MAP4K3: variants seen among roughly 807,000 people sequenced by gnomAD.
MAP4K3 encodes mitogen-activated protein kinase kinase kinase kinase 3, also known as MAPK/ERK kinase kinase kinase 3.
Under a neutral mutation model 143.5 loss-of-function variants are expected in MAP4K3, and 94 were observed. The observed-to-expected ratio is 0.65, with a 90% CI of 0.55 to 0.78. The LOEUF is 0.78. Ranked by LOEUF, MAP4K3 falls within the 30% of genes least tolerant of loss-of-function variation. The probability of loss-of-function intolerance (pLI) is 0.00; values close to 1 mark genes in which losing one functional copy is unlikely to be tolerated. For missense variants in MAP4K3, 1,077 were observed against 1,068.1 expected (o/e 1.01, Z -0.12); for synonymous variants, 416 against 347.2 (o/e 1.20, Z -2.20).
chr2:39,251,491 G>A (rs1025828610), intron 33 of MAP4K3, among the ~76,000 whole-genome samples: 2 of 152,090 alleles, frequency 1.3e-5, no homozygotes, highest in Non-Finnish European at 2.9e-5. Context: ...CCTGACCAAT[G>A]TCTTACAGTC....
At chr2:39,270,465 T>C (rs898114790) in intron 26 of MAP4K3, among the ~76,000 whole-genome samples, 4 of 152,216 alleles carry the variant, frequency 2.6e-5, no homozygotes, top group Non-Finnish European at 4.4e-5. Context: ...TCATGCCCAA[T>C]AATGATGACA....
At chr2:39,432,837 C>T (rs979698399) in intron 1 of MAP4K3, among the ~76,000 whole-genome samples, 49 of 152,204 alleles carry the variant, frequency 3.2e-4, no homozygotes, top group African/African-American at 1.1e-3. Flanking sequence ...ACACAGACTA[C>T]GATGTGAATC....
chr2:39,396,145 T>G (rs1022000144), intron 1 of MAP4K3, among the ~76,000 whole-genome samples: 1 of 152,120 alleles, frequency 6.6e-6, no homozygotes, highest in Non-Finnish European at 1.5e-5. Flanking sequence ...TCAAACAATC[T>G]TCCTGCCTCG....
At chr2:39,322,694 G>A (rs941748816) in intron 12 of MAP4K3, among the ~76,000 whole-genome samples, 1 of 149,212 alleles carries the variant, frequency 6.7e-6, no homozygotes, top group African/African-American at 2.5e-5. Context: ...TTTTGAGATG[G>A]AGTCTCGCTC....
At chr2:39,335,564 T>G (rs1482317733) in intron 6 of MAP4K3, among the ~76,000 whole-genome samples, 1 of 152,196 alleles carries the variant, frequency 6.6e-6, no homozygotes, top group Admixed American at 6.5e-5. Flanking sequence ...TAAAATGGCC[T>G]CACACTTTCT....
chr2:39,382,716 G>A (rs965151204), intron 1 of MAP4K3, among the ~76,000 whole-genome samples: 1 of 152,122 alleles, frequency 6.6e-6, no homozygotes, highest in Admixed American at 6.5e-5. Flanking sequence ...TAGGTCAAGC[G>A]ATTAAGAATG....
intron 16 of MAP4K3, 105 bp downstream of exon 16, chr2:39,299,638 T>A (rs376606884): frequency 3.9e-6 from 2 of 511,792 alleles, no homozygotes; most frequent in Admixed American, 7.9e-5. Context: ...GTAAAATATA[T>A]CTACCAGCCT....
At chr2:39,359,546 A>T (rs1358679434) in intron 2 of MAP4K3, among the ~76,000 whole-genome samples, 1 of 152,264 alleles carries the variant, frequency 6.6e-6, no homozygotes, top group Non-Finnish European at 1.5e-5. Flanking sequence ...GCAGTGCTGC[A>T]GTGGGAACTC....
chr2:39,328,514 C>T (rs1193448562), intron 8 of MAP4K3, among the ~76,000 whole-genome samples: 1 of 151,956 alleles, frequency 6.6e-6, no homozygotes, highest in East Asian at 1.9e-4. Context: ...AAGAAAAAGG[C>T]ACAAATATAG....
At chr2:39,318,935 C>T (rs1355783659) in intron 12 of MAP4K3, among the ~76,000 whole-genome samples, 3 of 151,976 alleles carry the variant, frequency 2.0e-5, no homozygotes, top group Non-Finnish European at 4.4e-5. Context: ...GGTTTTTGAC[C>T]GGGGCAATTT....
chr2:39,288,564 G>C (rs1681895742), intron 19 of MAP4K3, among the ~76,000 whole-genome samples: 1 of 152,056 alleles, frequency 6.6e-6, no homozygotes, highest in Non-Finnish European at 1.5e-5. Context: ...TCCCCACTTA[G>C]ACTAGCCAAA....
intron 2 of MAP4K3, among the ~76,000 whole-genome samples, chr2:39,369,678 T>C: frequency 6.6e-6 from 1 of 152,206 alleles, no homozygotes; most frequent in East Asian, 1.9e-4. Flanking sequence ...ATCTGAAGTT[T>C]TACTTCCTTA....
At chr2:39,275,751 A>G (rs944961060) in intron 24 of MAP4K3, among the ~76,000 whole-genome samples, 4 of 152,220 alleles carry the variant, frequency 2.6e-5, no homozygotes, top group Non-Finnish European at 5.9e-5. Flanking sequence ...TTTACAGTAT[A>G]TCATACAGTT....
intron 3 of MAP4K3, among the ~76,000 whole-genome samples, chr2:39,350,105 T>TA (rs1297308080): frequency 2.0e-5 from 3 of 152,192 alleles, no homozygotes; most frequent in Non-Finnish European, 2.9e-5. Context: ...ACAACTATCT[T>TA]ACAATGCGCA....
chr2:39,312,511 G>A (rs1479308586), intron 13 of MAP4K3, among the ~76,000 whole-genome samples: 1 of 152,186 alleles, frequency 6.6e-6, no homozygotes, highest in Non-Finnish European at 1.5e-5. Flanking sequence ...TATTGTGAAT[G>A]TTAATACCAA....
At position 39,289,050 on chromosome 2, in the gene MAP4K3, T is replaced by TCAAAA. The variant is rs554786069; in HGVS notation, c.1315-775_1315-771dup. On this transcript the variant is annotated intron_variant, in intron 19 of 33. Transcript: ENST00000263881. Reference sequence around the variant, plus strand: ...CTGGGCGAAAGAGCGAGACTCCATCTCAAAACAAAACAAAACAAAAAAACA... The same window carrying TCAAAA: ...CTGGGCGAAAGAGCGAGACTCCATCTCAAAACAAAACAAAACAAAACAAAAAAACA... Among the ~76,000 whole-genome samples the TCAAAA allele has an allele frequency of 3.7e-3, 560 of 152,170 alleles. 4 individuals are homozygous for TCAAAA. The highest frequency in any genetic ancestry group is 0.013 in the African/African-American group (534 of 41,500).
intron 12 of MAP4K3, among the ~76,000 whole-genome samples, chr2:39,316,827 G>C (rs1010914677): frequency 6.6e-5 from 10 of 152,000 alleles, no homozygotes; most frequent in African/African-American, 2.4e-4. Flanking sequence ...GCCCTTCTAA[G>C]AAAAAGGATA....
At chr2:39,279,197 T>C (rs191029862) in intron 23 of MAP4K3, among the ~76,000 whole-genome samples, 1 of 152,336 alleles carries the variant, frequency 6.6e-6, no homozygotes, top group East Asian at 1.9e-4. Context: ...AGAACTTTTC[T>C]AGACTAACTA....
chr2:39,283,609 T>A (rs960284301), intron 21 of MAP4K3: 3 of 152,230 alleles, frequency 2.0e-5, no homozygotes, highest in African/African-American at 7.2e-5. Flanking sequence ...TTTTGCTAAG[T>A]GAAGTTCCAA....
Sources: gnomAD v4.1 joint callset for allele counts (sites outside exome capture counted in the v4.1 genomes callset) on GRCh38, gnomAD v4.1.1 for gene constraint, MANE v1.5 for transcripts, NCBI Gene and HGNC (gene_info 2026-07-23, HGNC 2026-07-21) for gene names.